Variants in MAP4K3 observed in about 807,000 individuals in gnomAD.
The protein encoded by MAP4K3 is mitogen-activated protein kinase kinase kinase kinase 3, also known as MAPK/ERK kinase kinase kinase 3.
MAP4K3 carries 94 observed loss-of-function variants against 143.5 expected under a neutral mutation model. The ratio of observed to expected loss-of-function variants is 0.65; its 90% confidence interval spans 0.55 to 0.78. MAP4K3 has a LOEUF of 0.78. MAP4K3 is among the 30% of genes least tolerant of loss of function. The pLI is 0.00. For synonymous variants in MAP4K3, 416 were observed against 347.2 expected, an observed-to-expected ratio of 1.20 and a Z score of -2.20; for missense variants, 1,077 against 1,068.1, an observed-to-expected ratio of 1.01 and a Z score of -0.12.
intron 1 of MAP4K3, among the ~76,000 whole-genome samples, chr2:39,416,920 G>C (rs1667397490): frequency 6.6e-6 from 1 of 152,028 alleles, no homozygotes; most frequent in Non-Finnish European, 1.5e-5. Context: ...AAGCTCTCTG[G>C]GCCCCTCTAT....
intron 28 of MAP4K3, among the ~76,000 whole-genome samples, chr2:39,263,835 G>A (rs17446102): frequency 0.033 from 5,006 of 152,190 alleles, 120 homozygotes; most frequent in South Asian, 0.054. Context: ...ATTTTTAAGC[G>A]TCCTATGTCT....
chr2:39,270,506 G>A (rs894610735), intron 26 of MAP4K3, among the ~76,000 whole-genome samples: 5 of 152,172 alleles, frequency 3.3e-5, no homozygotes, highest in Non-Finnish European at 7.3e-5. Context: ...CTTACTAGGT[G>A]CTGTGGTAGG....
At position 39,254,635 on chromosome 2, in the gene MAP4K3, A is replaced by C. The variant is rs1448835681; in HGVS notation, c.2471-115T>G. ...TTTCAATTCACAACTAATGTCAGCTATTCCATATTTATATGGCATCTTTAC... is the reference window on the plus strand; with the variant it reads ...TTTCAATTCACAACTAATGTCAGCTCTTCCATATTTATATGGCATCTTTAC... On this transcript the variant is annotated intron_variant, in intron 31 of 33. Coordinates refer to ENST00000263881, the MANE Select transcript of MAP4K3 (RefSeq NM_003618.4). 2.0e-5 allele frequency: 14 copies of C among 692,204 alleles called. No individual in the cohort carries two copies. In the East Asian group the frequency reaches 3.5e-4, roughly 17 times the overall value. The allele number at this position is 692,204 out of a possible 1,614,324, so 42.9% of individuals were successfully genotyped here.
At chr2:39,421,895 T>C (rs916837691) in intron 1 of MAP4K3, among the ~76,000 whole-genome samples, 1 of 152,122 alleles carries the variant, frequency 6.6e-6, no homozygotes, top group African/African-American at 2.4e-5. Flanking sequence ...TTTCATTCTA[T>C]CTCTTCTAAA....
intron 12 of MAP4K3, 170 bp from the exon 13 acceptor site, chr2:39,315,558 A>G: frequency 1.9e-6 from 1 of 539,796 alleles, no homozygotes; most frequent in Non-Finnish European, 3.3e-6. Flanking sequence ...AGCAGCTCAA[A>G]CTATTAGGTG....
chr2:39,288,494 T>C (rs933889844), intron 19 of MAP4K3, among the ~76,000 whole-genome samples: 14 of 152,196 alleles, frequency 9.2e-5, no homozygotes, highest in African/African-American at 4.8e-5. Context: ...ATCTCAGGTT[T>C]TGCTGCTGTG....
At chr2:39,366,286 A>ATCTC (rs1665921043) in intron 2 of MAP4K3, among the ~76,000 whole-genome samples, 1 of 98,304 alleles carries the variant, frequency 1.0e-5, no homozygotes, top group African/African-American at 3.9e-5. Flanking sequence ...GTGGGGGTGG[A>ATCTC]GGTGGTGGCT....
rs1202906358 is a variant in MAP4K3 at position 39,437,117 on chromosome 2, T to C, written c.-130A>G. On this transcript the variant is annotated 5_prime_UTR_variant, in exon 1 of 34. Transcript: ENST00000263881. ...CGGTCACAATCACCCGGCTCCACGC[T>C]GCGGCCGCCGCCGCCGCCGCCGCTC... 23 of 524,516 alleles carry C rather than the reference T, an allele frequency of 4.4e-5. No homozygotes were observed. The highest frequency in any genetic ancestry group is 6.7e-5 in the Non-Finnish European group (22 of 327,206). The allele number at this position is 524,516 out of a possible 1,614,324, so 32.5% of individuals were successfully genotyped here. A position where few individuals can be genotyped will look rare whatever the true frequency, so the allele number is the denominator to read the frequency against.
At chr2:39,355,920 C>T (rs1665598744) in intron 3 of MAP4K3, among the ~76,000 whole-genome samples, 1 of 152,164 alleles carries the variant, frequency 6.6e-6, no homozygotes, top group Non-Finnish European at 1.5e-5. Context: ...AGAGATGCTC[C>T]TGACTCTACA....
intron 1 of MAP4K3, among the ~76,000 whole-genome samples, chr2:39,433,620 C>G (rs879428077): frequency 6.6e-6 from 1 of 152,028 alleles, no homozygotes; most frequent in Non-Finnish European, 1.5e-5. Flanking sequence ...AATGCTATAA[C>G]CCATCTCCAC....
At chr2:39,354,865 A>C (rs1056398277) in intron 3 of MAP4K3, among the ~76,000 whole-genome samples, 2 of 152,176 alleles carry the variant, frequency 1.3e-5, no homozygotes, top group African/African-American at 4.8e-5. Flanking sequence ...TTGTACCTGG[A>C]TCATATGAAA....
chr2:39,315,174 G>A (rs1683070932), intron 13 of MAP4K3, 136 bp downstream of exon 13: 1 of 540,614 alleles, frequency 1.8e-6, no homozygotes, highest in Admixed American at 3.7e-5. Context: ...AATTCTTACT[G>A]CCCTAATTAA....
At chr2:39,425,174 G>T (rs1391843039) in intron 1 of MAP4K3, among the ~76,000 whole-genome samples, 1 of 133,688 alleles carries the variant, frequency 7.5e-6, no homozygotes, top group Non-Finnish European at 1.6e-5. Flanking sequence ...CAGAAAAAAA[G>T]TAGATGAATT....
At chr2:39,436,810 C>T in intron 1 of MAP4K3, 82 bp downstream of exon 1, 2 of 1,221,648 alleles carry the variant, frequency 1.6e-6, no homozygotes, top group Non-Finnish European at 2.4e-6. Context: ...CTCCCGAGGA[C>T]AGGCGGCAAG....
chr2:39,332,377 A>G (rs1199680557), intron 7 of MAP4K3, among the ~76,000 whole-genome samples: 1 of 152,078 alleles, frequency 6.6e-6, no homozygotes, highest in Admixed American at 6.6e-5. Context: ...ATTATATTCC[A>G]TTCACTTTCT....
chr2:39,273,768 T>C (rs1159264236), intron 24 of MAP4K3, among the ~76,000 whole-genome samples: 1 of 152,246 alleles, frequency 6.6e-6, no homozygotes, highest in Non-Finnish European at 1.5e-5. Context: ...GTTTTTTAAT[T>C]TGTAAAATGT....
rs549884142 is a variant in MAP4K3 at position 39,313,635 on chromosome 2, C to G, written c.997+1675G>C. On this transcript the variant is annotated intron_variant, in intron 13 of 33. Coordinates refer to ENST00000263881, the MANE Select transcript of MAP4K3 (RefSeq NM_003618.4). ...TTCAGCGAGTTTCCTGCCTCAGCCT[C>G]CCCAGTAGCTGGGACTACAGGCACA... is the stretch of plus-strand genomic sequence containing the variant. Among the ~76,000 whole-genome samples the G allele has an allele frequency of 8.6e-3, 1,317 of 152,306 alleles. 8 individuals carry two copies. The highest frequency in any genetic ancestry group is 0.015 in the Non-Finnish European group (1,022 of 68,006).
intron 8 of MAP4K3, among the ~76,000 whole-genome samples, chr2:39,330,847 G>T (rs1011834004): frequency 6.6e-6 from 1 of 152,008 alleles, no homozygotes; most frequent in African/African-American, 2.4e-5. Flanking sequence ...ATCAGGAAAA[G>T]CTTTTTTCAG....
chr2:39,436,844 G>T, intron 1 of MAP4K3, 48 bp downstream of exon 1: 1 of 1,526,898 alleles, frequency 6.5e-7, no homozygotes, highest in Non-Finnish European at 9.0e-7. Flanking sequence ...AGGCTTGGCT[G>T]CGGGTCGGGA....
Sources: allele counts gnomAD v4.1 joint callset (sites outside exome capture counted in the v4.1 genomes callset), GRCh38; gene constraint gnomAD v4.1.1; transcripts MANE v1.5; gene names NCBI Gene and HGNC (gene_info 2026-07-23, HGNC 2026-07-21).